LUZP1: variants seen among roughly 807,000 people sequenced by gnomAD.
LUZP1 encodes leucine zipper protein 1.
A neutral mutation model predicts 71.3 loss-of-function variants in LUZP1; 25 were observed. The observed-to-expected ratio is 0.35, with a 90% CI of 0.26 to 0.49. The LOEUF (loss-of-function observed/expected upper bound fraction) is 0.49. Ranked by LOEUF, LUZP1 falls within the 20% of genes least tolerant of loss-of-function variation. LUZP1 has a pLI of 0.99. For missense variants in LUZP1, 1,142 were observed against 1,300.8 expected, an observed-to-expected ratio of 0.88 and a Z score of 1.88; for synonymous variants, 481 against 506.4, an observed-to-expected ratio of 0.95 and a Z score of 0.67.
intron 3 of LUZP1, among the ~76,000 whole-genome samples, chr1:23,105,373 T>C (rs1003229099): frequency 2.0e-5 from 3 of 152,208 alleles, no homozygotes; most frequent in Admixed American, 2.0e-4. Flanking sequence ...AATTGAAATA[T>C]GGGGCTTAAT....
intron 2 of LUZP1, among the ~76,000 whole-genome samples, chr1:23,160,284 T>C (rs1644454142): frequency 6.6e-6 from 1 of 152,234 alleles, no homozygotes; most frequent in African/African-American, 2.4e-5. Context: ...GCAGATTTAA[T>C]TGGCTCAAGA....
intron 3 of LUZP1, among the ~76,000 whole-genome samples, chr1:23,104,641 G>A (rs557450810): frequency 2.0e-5 from 3 of 152,206 alleles, no homozygotes; most frequent in Admixed American, 6.5e-5. Context: ...TCTGAGAGCA[G>A]GGACTGTGTT....
chr1:23,130,283 C>T (rs923324312), intron 2 of LUZP1, among the ~76,000 whole-genome samples: 2 of 152,102 alleles, frequency 1.3e-5, no homozygotes, highest in Non-Finnish European at 2.9e-5. Flanking sequence ...GCATATATTA[C>T]TATGATAGAT....
chr1:23,161,307 T>A (rs1644462435), intron 2 of LUZP1, among the ~76,000 whole-genome samples: 1 of 152,064 alleles, frequency 6.6e-6, no homozygotes, highest in Non-Finnish European at 1.5e-5. Context: ...TAGGGAATAA[T>A]GGGAAAGGAC....
At chr1:23,117,509 G>T (rs1219765440) in intron 2 of LUZP1, among the ~76,000 whole-genome samples, 7 of 60,224 alleles carry the variant, frequency 1.2e-4, no homozygotes, top group African/African-American at 6.4e-4. Flanking sequence ...GGAAGCCCTG[G>T]GGGGGGGGGC....
chr1:23,100,314 T>C (rs1386254226), intron 3 of LUZP1, among the ~76,000 whole-genome samples: 2 of 152,152 alleles, frequency 1.3e-5, no homozygotes, highest in Admixed American at 6.5e-5. Flanking sequence ...GACCTAATCA[T>C]GGATTACAAA....
chr1:23,171,626 T>C (rs1307833395), intron 1 of LUZP1, among the ~76,000 whole-genome samples: 5 of 152,244 alleles, frequency 3.3e-5, no homozygotes, highest in Non-Finnish European at 7.3e-5. Flanking sequence ...TAATTTCCTA[T>C]GCTGCAGGCA....
At chr1:23,130,525 C>CTTTTTTTTTTTTTTTTTTTT (rs748312616) in intron 2 of LUZP1, among the ~76,000 whole-genome samples, 1 of 117,214 alleles carries the variant, frequency 8.5e-6, no homozygotes, top group Non-Finnish European at 1.7e-5. Flanking sequence ...TAACAGTTAT[C>CTTTTTTTTTTTTTTTTTTTT]TTTTTTTTTT....
intron 1 of LUZP1, among the ~76,000 whole-genome samples, chr1:23,172,921 C>G (rs1217734549): frequency 6.6e-6 from 1 of 151,792 alleles, no homozygotes; most frequent in Non-Finnish European, 1.5e-5. Context: ...CTCCCGTATT[C>G]AAGCAATTCT....
intron 2 of LUZP1, among the ~76,000 whole-genome samples, chr1:23,163,531 GAGAA>G (rs1644486172): frequency 7.2e-6 from 1 of 139,070 alleles, no homozygotes. Context: ...TCCAGATCGA[GAGAA>G]AGAGTGAGAT....
intron 2 of LUZP1, among the ~76,000 whole-genome samples, chr1:23,154,709 ATT>A (rs1191570803): frequency 4.0e-5 from 5 of 125,592 alleles, no homozygotes; most frequent in Non-Finnish European, 8.1e-5. Flanking sequence ...CACCTGGCTA[ATT>A]TTTTTTTTTT....
chr1:23,160,304 T>C (rs192673247), intron 2 of LUZP1, among the ~76,000 whole-genome samples: 5 of 152,338 alleles, frequency 3.3e-5, no homozygotes, highest in East Asian at 3.9e-4. Context: ...ATTTGCTTTG[T>C]TGACATCAAA....
intron 2 of LUZP1, among the ~76,000 whole-genome samples, chr1:23,149,680 T>G (rs1644368268): frequency 6.6e-6 from 1 of 151,954 alleles, no homozygotes; most frequent in African/African-American, 2.4e-5. Flanking sequence ...TTAAAAATGT[T>G]TAGAAGTAAA....
chr1:23,145,468 CT>C lies in LUZP1; in HGVS notation c.-226+23297del, dbSNP rs869293750. ...CCTATGAGGCAGATACTATTAATCT[CT>C]TTTTTTTTTTTTTTTTTGAGACGGA... On this transcript the variant is annotated intron_variant, in intron 2 of 4. Transcript: ENST00000302291. Among the ~76,000 whole-genome samples the C allele has an allele frequency of 6.7e-3, 907 of 135,098 alleles. 4 individuals carry two copies. The highest frequency in any genetic ancestry group is 0.018 in the African/African-American group (658 of 36,568). 88.6% of individuals were successfully genotyped at this position (135,098 alleles called of 152,430 possible).
chr1:23,147,235 G>A (rs1010723782), intron 2 of LUZP1, among the ~76,000 whole-genome samples: 4 of 151,564 alleles, frequency 2.6e-5, no homozygotes, highest in Non-Finnish European at 5.9e-5. Context: ...TAGGTCAGGG[G>A]TTCCAGAGCA....
intron 2 of LUZP1, among the ~76,000 whole-genome samples, chr1:23,131,393 A>G (rs1644214093): frequency 6.6e-6 from 1 of 151,884 alleles, no homozygotes; most frequent in Non-Finnish European, 1.5e-5. Flanking sequence ...CTCTCACATT[A>G]CTTCCTAGTA....
At chr1:23,110,041 C>T (rs1223813555) in intron 2 of LUZP1, among the ~76,000 whole-genome samples, 4 of 152,186 alleles carry the variant, frequency 2.6e-5, no homozygotes, top group African/African-American at 7.2e-5. Context: ...GTTACCTCTA[C>T]TTTACAGATA....
chr1:23,104,827 C>T (rs377316114), intron 3 of LUZP1, among the ~76,000 whole-genome samples: 18 of 152,276 alleles, frequency 1.2e-4, no homozygotes, highest in African/African-American at 4.3e-4. Context: ...GATGCTTAGC[C>T]TTTATGCCAG....
chr1:23,175,248 G>T (rs1644575807), intron 1 of LUZP1, among the ~76,000 whole-genome samples: 1 of 152,102 alleles, frequency 6.6e-6, no homozygotes, highest in African/African-American at 2.4e-5. Flanking sequence ...AATAAGCTAT[G>T]CACTCAGGCA....
Sources: allele counts gnomAD v4.1 joint callset (sites outside exome capture counted in the v4.1 genomes callset), GRCh38; gene constraint gnomAD v4.1.1; transcripts MANE v1.5; gene names NCBI Gene and HGNC (gene_info 2026-07-23, HGNC 2026-07-21).